The following ELAVL4 variants were observed in gnomAD, a reference collection of about 807,000 sequenced individuals.
ELAVL4 encodes ELAV like RNA binding protein 4.
Under a neutral mutation model 35.6 loss-of-function variants are expected in ELAVL4, and 1 was observed. The ratio of observed to expected loss-of-function variants is 0.03; its 90% CI spans 0.01 to 0.13. The LOEUF (loss-of-function observed/expected upper bound fraction) is 0.13, where lower values mean the gene tolerates loss of function less well. Ranked by LOEUF, ELAVL4 falls within the 10% of genes least tolerant of loss-of-function variation. The probability of loss-of-function intolerance (pLI) is 1.00; values close to 1 mark genes in which losing one functional copy is unlikely to be tolerated. For synonymous variants in ELAVL4, 156 were observed against 171.0 expected, an observed-to-expected ratio of 0.91 and a Z score of 0.69; for missense variants, 267 against 464.9, an observed-to-expected ratio of 0.57 and a Z score of 3.91.
At chr1:50,107,039 A>G (rs1290838466), upstream of ELAVL4, among the ~76,000 whole-genome samples, 3 of 152,168 alleles carry the variant, frequency 2.0e-5, no homozygotes, top group South Asian at 2.1e-4. Context: ...GTTTGTCAGC[A>G]TTGTCTTAAT....
chr1:50,191,793 T>C (rs1682701044), intron 3 of ELAVL4, among the ~76,000 whole-genome samples: 1 of 152,152 alleles, frequency 6.6e-6, no homozygotes. Context: ...ATAAAAAAAA[T>C]GTCTGTATGA....
At chr1:50,184,710 A>G (rs1681563774) in intron 3 of ELAVL4, among the ~76,000 whole-genome samples, 1 of 152,178 alleles carries the variant, frequency 6.6e-6, no homozygotes, top group South Asian at 2.1e-4. Flanking sequence ...GAACCTGTGT[A>G]GCTATCAGAG....
chr1:50,135,772 A>C (rs558118152), intron 1 of ELAVL4, among the ~76,000 whole-genome samples: 2 of 152,254 alleles, frequency 1.3e-5, no homozygotes, highest in Non-Finnish European at 2.9e-5. Context: ...TTTTTTCTAG[A>C]GTTTTCTAGT....
At chr1:50,157,102 G>T (rs977727474) in intron 2 of ELAVL4, among the ~76,000 whole-genome samples, 1 of 152,082 alleles carries the variant, frequency 6.6e-6, no homozygotes, top group Non-Finnish European at 1.5e-5. Context: ...AGTCGGGGAC[G>T]GTCTGTAGTT....
At chr1:50,186,268 A>G (rs1313396385) in intron 3 of ELAVL4, among the ~76,000 whole-genome samples, 2 of 152,192 alleles carry the variant, frequency 1.3e-5, no homozygotes, top group East Asian at 3.9e-4. Context: ...CATAAAGTAT[A>G]TGATACATTT....
chr1:50,092,623 T>C (rs1366075265), intron 1 of ELAVL4, among the ~76,000 whole-genome samples: 1 of 152,200 alleles, frequency 6.6e-6, no homozygotes, highest in African/African-American at 2.4e-5. Flanking sequence ...CATGTTTTCA[T>C]CATTAGGCGT....
At chr1:50,107,550 C>T (rs572285072), upstream of ELAVL4, among the ~76,000 whole-genome samples, 1 of 152,078 alleles carries the variant, frequency 6.6e-6, no homozygotes, top group African/African-American at 2.4e-5. Context: ...TTTTCACAAA[C>T]CCATTTATTC....
At chr1:50,197,171 G>T (rs1425716910) in intron 5 of ELAVL4, among the ~76,000 whole-genome samples, 1 of 152,134 alleles carries the variant, frequency 6.6e-6, no homozygotes, top group Admixed American at 6.5e-5. Context: ...GAGAGGTGGG[G>T]GGAATGGTAT....
chr1:50,060,360 A>T (rs544325593), intron 1 of ELAVL4, among the ~76,000 whole-genome samples: 1 of 152,318 alleles, frequency 6.6e-6, no homozygotes, highest in African/African-American at 2.4e-5. Context: ...ATGACTTTTC[A>T]TGATACATAA....
chr1:50,100,914 A>G (rs960338298), upstream of ELAVL4, among the ~76,000 whole-genome samples: 1 of 152,138 alleles, frequency 6.6e-6, no homozygotes, highest in Non-Finnish European at 1.5e-5. Context: ...TGAAACTAAT[A>G]CAAATTTATG....
chr1:50,186,461 G>A (rs1004831117), intron 3 of ELAVL4, among the ~76,000 whole-genome samples: 2 of 152,166 alleles, frequency 1.3e-5, no homozygotes, highest in Admixed American at 1.3e-4. Context: ...TAGGGTAAGT[G>A]TAACTATTGC....
chr1:50,118,925 G>C (rs963552723), intron 1 of ELAVL4, among the ~76,000 whole-genome samples: 1 of 131,614 alleles, frequency 7.6e-6, no homozygotes, highest in Non-Finnish European at 1.6e-5. Context: ...CATTTTGCAG[G>C]TCCTATGCTA....
At chr1:50,162,593 T>C (rs567538351) in intron 2 of ELAVL4, among the ~76,000 whole-genome samples, 20 of 152,238 alleles carry the variant, frequency 1.3e-4, no homozygotes, top group African/African-American at 3.4e-4. Context: ...GTTGCGTTGA[T>C]GTTATTTTGA....
intron 1 of ELAVL4, among the ~76,000 whole-genome samples, chr1:50,050,170 G>C (rs187967391): frequency 7.2e-5 from 11 of 152,144 alleles, no homozygotes; most frequent in Non-Finnish European, 1.6e-4. Context: ...TACCAACCTC[G>C]TAAAGTTGAC....
chr1:50,173,510 A>G (rs1263297717), intron 2 of ELAVL4, among the ~76,000 whole-genome samples: 1 of 152,244 alleles, frequency 6.6e-6, no homozygotes, highest in African/African-American at 2.4e-5. Context: ...ACTGGTGACC[A>G]TTCACACATG....
At chr1:50,050,084 C>T (rs936745593) in intron 1 of ELAVL4, among the ~76,000 whole-genome samples, 1 of 152,230 alleles carries the variant, frequency 6.6e-6, no homozygotes, top group African/African-American at 2.4e-5. Context: ...CCTCACCACT[C>T]AGTAGTTATG....
At chr1:50,191,794 G>A (rs182055351) in intron 3 of ELAVL4, among the ~76,000 whole-genome samples, 89 of 152,310 alleles carry the variant, frequency 5.8e-4, no homozygotes, top group African/African-American at 2.1e-3. Context: ...TAAAAAAAAT[G>A]TCTGTATGAG....
chr1:50,169,543 A>G (rs190214949), intron 2 of ELAVL4, among the ~76,000 whole-genome samples: 1 of 152,274 alleles, frequency 6.6e-6, no homozygotes, highest in Non-Finnish European at 1.5e-5. Context: ...CTCAACCCCA[A>G]TCAGAATGTA....
At chr1:50,135,053 G>A (rs539633373) in intron 1 of ELAVL4, among the ~76,000 whole-genome samples, 13 of 152,146 alleles carry the variant, frequency 8.5e-5, no homozygotes, top group East Asian at 3.9e-4. Flanking sequence ...TTTCATATCC[G>A]TGCTGGCCCT....
Sources: allele counts gnomAD v4.1 joint callset (sites outside exome capture counted in the v4.1 genomes callset), GRCh38; gene constraint gnomAD v4.1.1; transcripts MANE v1.5; gene names NCBI Gene and HGNC (gene_info 2026-07-23, HGNC 2026-07-21).